The following SCHIP1 variants were observed in gnomAD, a reference collection of about 807,000 sequenced individuals.
SCHIP1 encodes schwannomin-interacting protein 1.
A neutral mutation model predicts 29.7 loss-of-function variants in SCHIP1; 8 were observed. The ratio of observed to expected loss-of-function variants is 0.27; its 90% confidence interval spans 0.16 to 0.49. The LOEUF is 0.49. SCHIP1 is among the 20% of genes least tolerant of loss of function. The probability of loss-of-function intolerance (pLI) is 0.99; values close to 1 mark genes in which losing one functional copy is unlikely to be tolerated. For missense variants in SCHIP1, 193 were observed against 294.6 expected (o/e 0.66, Z 2.52); for synonymous variants, 76 against 94.9 (o/e 0.80, Z 1.16).
chr3:159,789,085 C>A, the SCHIP1 span, among the ~76,000 whole-genome samples: 11,153 of 151,930 alleles, frequency 0.073, 1,324 homozygotes, highest in African/African-American at 0.25. Context: ...AGATACTCAA[C>A]CTGTATATGT....
the SCHIP1 span, among the ~76,000 whole-genome samples, chr3:159,583,315 G>A: frequency 1.3e-5 from 2 of 152,064 alleles, no homozygotes; most frequent in South Asian, 4.1e-4. Flanking sequence ...TCACCAATCT[G>A]ACTTCCTGTC....
At chr3:159,288,174 G>A in the SCHIP1 span, among the ~76,000 whole-genome samples, 1 of 152,060 alleles carries the variant, frequency 6.6e-6, no homozygotes, top group Non-Finnish European at 1.5e-5. Context: ...TGAGTCTGAA[G>A]GACAGTCTAT....
the SCHIP1 span, among the ~76,000 whole-genome samples, chr3:159,442,962 C>T: frequency 6.6e-6 from 1 of 152,208 alleles, no homozygotes; most frequent in African/African-American, 2.4e-5. Flanking sequence ...AAATAACACA[C>T]ACTCCAGGGA....
the SCHIP1 span, among the ~76,000 whole-genome samples, chr3:159,605,429 G>A: frequency 6.6e-6 from 1 of 152,080 alleles, no homozygotes; most frequent in East Asian, 1.9e-4. Flanking sequence ...CTTAGATCGT[G>A]GACTTTTAGA....
chr3:159,612,722 G>A, the SCHIP1 span, among the ~76,000 whole-genome samples: 6 of 152,344 alleles, frequency 3.9e-5, no homozygotes, highest in African/African-American at 1.4e-4. Flanking sequence ...ACTCCAGCCT[G>A]GGTGACAAGA....
the SCHIP1 span, among the ~76,000 whole-genome samples, chr3:159,697,995 G>A: frequency 7.2e-5 from 11 of 152,320 alleles, no homozygotes; most frequent in African/African-American, 2.2e-4. Flanking sequence ...CCAAAAATGA[G>A]CATCCTTTCA....
the SCHIP1 span, among the ~76,000 whole-genome samples, chr3:159,312,737 G>A: frequency 6.6e-6 from 1 of 152,108 alleles, no homozygotes; most frequent in Non-Finnish European, 1.5e-5. Context: ...GAGGTGCCTG[G>A]TCCAACTTAA....
At chr3:159,809,356 A>G in the SCHIP1 span, among the ~76,000 whole-genome samples, 2 of 152,278 alleles carry the variant, frequency 1.3e-5, no homozygotes, top group East Asian at 3.9e-4. Context: ...CATGGTGTGT[A>G]TGTGCCACAT....
chr3:159,854,491 G>A (rs549521553), intron 1 of SCHIP1, among the ~76,000 whole-genome samples: 10 of 152,202 alleles, frequency 6.6e-5, no homozygotes, highest in South Asian at 2.1e-4. Flanking sequence ...ATGTGAAAGC[G>A]GTTTCAGTAA....
At chr3:159,573,517 T>C in the SCHIP1 span, among the ~76,000 whole-genome samples, 11 of 152,362 alleles carry the variant, frequency 7.2e-5, no homozygotes, top group Middle Eastern at 6.8e-3. Flanking sequence ...GGTAACTCGA[T>C]CTTCCTCTCT....
chr3:159,442,316 G>T, the SCHIP1 span, among the ~76,000 whole-genome samples: 1 of 152,194 alleles, frequency 6.6e-6, no homozygotes. Flanking sequence ...AGAGAGGCAG[G>T]AAAGAGGAAT....
chr3:159,571,150 C>A, the SCHIP1 span, among the ~76,000 whole-genome samples: 1 of 152,190 alleles, frequency 6.6e-6, no homozygotes, highest in African/African-American at 2.4e-5. Flanking sequence ...CCTGATTTCC[C>A]TGGCCAGAGC....
the SCHIP1 span, among the ~76,000 whole-genome samples, chr3:159,357,000 A>G: frequency 3.3e-5 from 5 of 152,168 alleles, no homozygotes; most frequent in Non-Finnish European, 7.4e-5. Flanking sequence ...CGAACAACCA[A>G]CCTAGTTTTA....
chr3:159,383,259 T>C, the SCHIP1 span, among the ~76,000 whole-genome samples: 4 of 151,890 alleles, frequency 2.6e-5, no homozygotes, highest in East Asian at 5.8e-4. Context: ...TGTAAGTCTT[T>C]AATCCATCTT....
chr3:159,609,148 C>G, the SCHIP1 span, among the ~76,000 whole-genome samples: 1 of 152,116 alleles, frequency 6.6e-6, no homozygotes, highest in South Asian at 2.1e-4. Context: ...AAGACAAGTG[C>G]AGTGGCTAAA....
chr3:159,458,674 C>T, the SCHIP1 span, among the ~76,000 whole-genome samples: 2 of 151,294 alleles, frequency 1.3e-5, no homozygotes, highest in Non-Finnish European at 2.9e-5. Flanking sequence ...CAGTGAAAAA[C>T]ACATGAAGGT....
chr3:159,889,046 C>A (rs865828009), intron 5 of SCHIP1, 103 bp downstream of exon 6: 3 of 1,401,964 alleles, frequency 2.1e-6, no homozygotes, highest in Middle Eastern at 4.2e-4. Context: ...TCATTGGGTT[C>A]CTGTGTGATT....
the SCHIP1 span, among the ~76,000 whole-genome samples, chr3:159,776,306 G>A: frequency 7.0e-6 from 1 of 143,866 alleles, no homozygotes; most frequent in Non-Finnish European, 1.5e-5. Flanking sequence ...ATTTTATTTT[G>A]AACAACTACA....
chr3:159,316,062 TC>T, the SCHIP1 span, among the ~76,000 whole-genome samples: 1 of 152,084 alleles, frequency 6.6e-6, no homozygotes, highest in Admixed American at 6.6e-5. Context: ...CAAGGAGGGC[TC>T]CTAAGGCTCA....
Sources: allele counts gnomAD v4.1 joint callset (sites outside exome capture counted in the v4.1 genomes callset), GRCh38; gene constraint gnomAD v4.1.1; transcripts MANE v1.5; gene names NCBI Gene and HGNC (gene_info 2026-07-23, HGNC 2026-07-21).